The following MDFIC variants were observed in gnomAD, a reference collection of about 807,000 sequenced individuals.
MDFIC encodes the protein MyoD family inhibitor domain containing.
A neutral mutation model predicts 23.2 loss-of-function variants in MDFIC; 17 were observed. The ratio of observed to expected loss-of-function variants is 0.73; its 90% CI spans 0.50 to 1.10. The LOEUF (loss-of-function observed/expected upper bound fraction) is 1.10, where lower values mean the gene tolerates loss of function less well. Among genes scored for constraint, MDFIC ranks in the 50% least tolerant of loss-of-function variants. The pLI is 0.00. For synonymous variants in MDFIC, 120 were observed against 115.2 expected, an observed-to-expected ratio of 1.04 and a Z score of -0.27; for missense variants, 356 against 316.6, an observed-to-expected ratio of 1.12 and a Z score of -0.95.
rs189773487 is a variant in MDFIC, at chr7:114,928,336, G to T, written c.94+5209G>T. On this transcript the variant is annotated intron_variant, in intron 2 of 4. Coordinates refer to ENST00000393486, the MANE Select transcript of MDFIC (RefSeq NM_001166345.3). ...AAAAAAAGGTCTACGGAATAGCATG[G>T]TACATGCTGAGCCTGTGGCTGGCAT... 1.1e-4 allele frequency among the ~76,000 whole-genome samples: 17 copies of T among 152,286 alleles called. No homozygotes were observed. In the East Asian group the frequency reaches 3.1e-3, roughly 28 times the overall value.
intron 3 of MDFIC, among the ~76,000 whole-genome samples, chr7:114,948,612 T>C (rs1351388019): frequency 6.6e-6 from 1 of 152,140 alleles, no homozygotes; most frequent in African/African-American, 2.4e-5. Flanking sequence ...CTTTTCTTCC[T>C]CTTTTCTTTT....
chr7:114,967,964 T>C (rs983439406), intron 3 of MDFIC, among the ~76,000 whole-genome samples: 1 of 151,934 alleles, frequency 6.6e-6, no homozygotes, highest in Non-Finnish European at 1.5e-5. Flanking sequence ...AAGTAGCTGA[T>C]ACCACAGGCA....
At chr7:114,939,445 G>T (rs1014272666) in intron 2 of MDFIC, among the ~76,000 whole-genome samples, 1 of 152,172 alleles carries the variant, frequency 6.6e-6, no homozygotes. Context: ...ATCATACAGA[G>T]AATGATAGTC....
At chr7:114,955,298 A>G (rs1792862655) in intron 3 of MDFIC, among the ~76,000 whole-genome samples, 1 of 152,196 alleles carries the variant, frequency 6.6e-6, no homozygotes, top group East Asian at 1.9e-4. Flanking sequence ...AACTTTCGCC[A>G]TAGCCAAAAT....
At chr7:114,985,001 A>T (rs990429657) in intron 4 of MDFIC, among the ~76,000 whole-genome samples, 1 of 152,172 alleles carries the variant, frequency 6.6e-6, no homozygotes, top group African/African-American at 2.4e-5. Flanking sequence ...CGTTATGTAG[A>T]TGGAAGTAAC....
intron 4 of MDFIC, among the ~76,000 whole-genome samples, chr7:114,988,288 A>G (rs146025286): frequency 3.3e-5 from 5 of 152,316 alleles, no homozygotes; most frequent in Non-Finnish European, 5.9e-5. Flanking sequence ...TGCAGAGGCT[A>G]TTTAGAAACC....
chr7:115,001,844 A>C (rs980969566), intron 4 of MDFIC, among the ~76,000 whole-genome samples: 4 of 152,174 alleles, frequency 2.6e-5, no homozygotes, highest in African/African-American at 9.7e-5. Context: ...TATGTTTAAA[A>C]CTGGCCTCCT....
intron 2 of MDFIC, 22 bp downstream of exon 2, chr7:114,923,149 G>T: frequency 6.5e-7 from 1 of 1,527,780 alleles, no homozygotes; most frequent in Non-Finnish European, 8.8e-7. Flanking sequence ...CTTGCAAGTG[G>T]CAAGCTTCTT....
rs1413530810 is a variant in MDFIC, at chr7:114,922,245, C to A, written c.-499C>A. On this transcript the variant is annotated 5_prime_UTR_variant, in exon 1 of 5. Coordinates refer to ENST00000393486, the MANE Select transcript of MDFIC (RefSeq NM_001166345.3). ...GGTCGCGCCGCTCCCAGCATCGGGG[C>A]CGCTAGCCAAGAGTTCGAGGCCTTC... The A allele has an allele frequency of 3.4e-6, 2 of 594,496 alleles. No individual in the cohort carries two copies. The highest frequency in any genetic ancestry group is 4.9e-6 in the Non-Finnish European group (2 of 406,754). 36.8% of individuals were successfully genotyped at this position (594,496 alleles called of 1,614,324 possible).
chr7:114,994,668 A>G lies in MDFIC; in HGVS notation c.493+14887A>G, dbSNP rs563417697. On this transcript the variant is annotated intron_variant, in intron 4 of 4. Transcript: ENST00000393486. Reference sequence around the variant, plus strand: ...AAAATTCTTTTCTTTAAGAATGTTGAACATTGCCCCCCACTCTCTTCTGGC... The same window carrying G: ...AAAATTCTTTTCTTTAAGAATGTTGGACATTGCCCCCCACTCTCTTCTGGC... Among the ~76,000 whole-genome samples the G allele has an allele frequency of 1.3e-4, 20 of 152,298 alleles. No homozygotes were observed. In the East Asian group the frequency reaches 3.9e-3, roughly 29 times the overall value.
chr7:114,983,824 G>A (rs775340817), intron 4 of MDFIC, among the ~76,000 whole-genome samples: 1 of 151,958 alleles, frequency 6.6e-6, no homozygotes, highest in Non-Finnish European at 1.5e-5. Flanking sequence ...GCCCACCTCG[G>A]CATCCCCATC....
chr7:115,019,135 T>C lies in MDFIC; in HGVS notation c.*3200T>C, dbSNP rs1791854510. Reference sequence around the variant, plus strand: ...AGATTAAAAACCAAGGTAAAAATGATCAAACATATATGAAATTGAGTCTTA... The same window carrying C: ...AGATTAAAAACCAAGGTAAAAATGACCAAACATATATGAAATTGAGTCTTA... On this transcript the variant is annotated 3_prime_UTR_variant, in exon 5 of 5. Transcript: ENST00000393486. 6.6e-6 allele frequency: 1 copy of C among 151,898 alleles called. No homozygotes were observed. Among genetic ancestry groups the C allele is most frequent in the African/African-American group, 2.4e-5 (1 of 41,402 alleles). 9.4% of individuals were successfully genotyped at this position (151,898 alleles called of 1,614,324 possible).
At chr7:114,976,523 C>CGT (rs1013166146) in intron 3 of MDFIC, among the ~76,000 whole-genome samples, 2 of 152,084 alleles carry the variant, frequency 1.3e-5, no homozygotes, top group African/African-American at 4.8e-5. Flanking sequence ...TCTCCTTTTA[C>CGT]AGAGGCTTTG....
intron 4 of MDFIC, among the ~76,000 whole-genome samples, chr7:115,010,764 C>T (rs1396828674): frequency 6.6e-6 from 1 of 152,062 alleles, no homozygotes; most frequent in Non-Finnish European, 1.5e-5. Flanking sequence ...AACTGCAGTC[C>T]TTAACGTTTA....
intron 4 of MDFIC, among the ~76,000 whole-genome samples, chr7:114,985,659 T>C (rs77402867): frequency 0.041 from 6,231 of 151,934 alleles, 279 homozygotes; most frequent in African/African-American, 0.11. Context: ...TCTCTGAAAG[T>C]TCCCAGTGTG....
intron 4 of MDFIC, among the ~76,000 whole-genome samples, chr7:115,000,564 A>C (rs1362590841): frequency 6.6e-6 from 1 of 152,204 alleles, no homozygotes; most frequent in East Asian, 1.9e-4. Flanking sequence ...ATGTTTTATA[A>C]ATTTGCATTT....
intron 2 of MDFIC, among the ~76,000 whole-genome samples, chr7:114,931,189 T>C (rs1268115737): frequency 1.3e-5 from 2 of 152,182 alleles, no homozygotes; most frequent in South Asian, 4.1e-4. Flanking sequence ...TAACCTTAAG[T>C]TTTTGAAGTC....
intron 4 of MDFIC, among the ~76,000 whole-genome samples, chr7:115,001,492 A>C (rs1791464969): frequency 6.6e-6 from 1 of 152,216 alleles, no homozygotes; most frequent in Non-Finnish European, 1.5e-5. Context: ...ATGACAGAAG[A>C]GTAGTTATTT....
intron 1 of MDFIC, 92 bp downstream of exon 1, chr7:114,922,728 C>T (rs1792109297): frequency 6.6e-6 from 9 of 1,354,594 alleles, no homozygotes; most frequent in Admixed American, 3.5e-5. Flanking sequence ...AGCCCCTCCC[C>T]GCTGGGTCCA....
Sources: allele counts gnomAD v4.1 joint callset (sites outside exome capture counted in the v4.1 genomes callset), GRCh38; gene constraint gnomAD v4.1.1; transcripts MANE v1.5; gene names NCBI Gene and HGNC (gene_info 2026-07-23, HGNC 2026-07-21).